The following IL1RAPL2 variants were observed in gnomAD, a reference collection of about 807,000 sequenced individuals.
IL1RAPL2 encodes interleukin 1 receptor accessory protein like 2, also known as X-linked interleukin-1 receptor accessory protein-like 2.
A neutral mutation model predicts 44.1 loss-of-function variants in IL1RAPL2; 3 were observed. The ratio of observed to expected loss-of-function variants is 0.07; its 90% CI spans 0.03 to 0.18. The LOEUF is 0.18. IL1RAPL2 is among the 10% of genes least tolerant of loss of function. The probability of loss-of-function intolerance (pLI) is 1.00; values close to 1 mark genes in which losing one functional copy is unlikely to be tolerated. For missense variants in IL1RAPL2, 391 were observed against 496.4 expected (o/e 0.79, Z 2.02); for synonymous variants, 181 against 178.8 (o/e 1.01, Z -0.10).
chrX:104,915,309 A>T (rs1924383943), intron 2 of IL1RAPL2, among the ~76,000 whole-genome samples: 1 of 110,296 alleles, frequency 9.1e-6, no homozygotes, highest in Non-Finnish European at 1.9e-5. Context: ...CATTTCTCTG[A>T]TGGCCAGTGA....
chrX:104,830,651 A>G (rs1298299024), intron 2 of IL1RAPL2, among the ~76,000 whole-genome samples: 3 of 111,801 alleles, frequency 2.7e-5, no homozygotes, highest in Middle Eastern at 4.6e-3. Flanking sequence ...AGTCAGAAAG[A>G]GTTCATATTT....
intron 6 of IL1RAPL2, among the ~76,000 whole-genome samples, chrX:105,549,934 T>C (rs189317130): frequency 8.5e-4 from 95 of 112,276 alleles, no homozygotes; most frequent in African/African-American, 3.0e-3. Context: ...TCTTCAATTA[T>C]TTTTATTGCT....
intron 1 of IL1RAPL2, among the ~76,000 whole-genome samples, chrX:104,610,666 G>T (rs985662676): frequency 4.5e-4 from 50 of 111,710 alleles, no homozygotes; most frequent in Non-Finnish European, 7.5e-5. Context: ...ATGCTCATGG[G>T]CAGGAAGAAT....
intron 2 of IL1RAPL2, among the ~76,000 whole-genome samples, chrX:105,138,544 G>T (rs1452718993): frequency 9.5e-6 from 1 of 105,514 alleles, no homozygotes; most frequent in East Asian, 3.1e-4. Context: ...GGTGTTATAA[G>T]AAATTAGAGG....
At chrX:104,844,621 AG>A (rs1921999770) in intron 2 of IL1RAPL2, among the ~76,000 whole-genome samples, 2 of 112,099 alleles carry the variant, frequency 1.8e-5, no homozygotes, top group African/African-American at 3.2e-5. Context: ...AAACAAAAAC[AG>A]AAAACAAAAA....
chrX:105,358,050 A>G (rs908847568), intron 5 of IL1RAPL2, among the ~76,000 whole-genome samples: 114 of 104,821 alleles, frequency 1.1e-3, no homozygotes, highest in African/African-American at 3.8e-3. Context: ...AAAAAAAAAA[A>G]AAAAAAAAAA....
At chrX:104,991,803 T>C (rs1355610947) in intron 2 of IL1RAPL2, among the ~76,000 whole-genome samples, 2 of 111,574 alleles carry the variant, frequency 1.8e-5, no homozygotes, top group African/African-American at 6.5e-5. Context: ...TCTACAATTA[T>C]AAAAGCATGC....
At chrX:105,352,460 A>T (rs150693594) in intron 5 of IL1RAPL2, among the ~76,000 whole-genome samples, 1,328 of 111,963 alleles carry the variant, frequency 0.012, 15 homozygotes, top group Non-Finnish European at 0.02. Context: ...TATTATCAGC[A>T]TATCTTAAAA....
chrX:105,035,822 A>G (rs1304516986), intron 2 of IL1RAPL2, among the ~76,000 whole-genome samples: 1 of 112,649 alleles, frequency 8.9e-6, no homozygotes, highest in Non-Finnish European at 1.9e-5. Flanking sequence ...CTTTTATTCC[A>G]TGAGAAATTA....
chrX:105,604,204 A>T (rs2037275470), intron 6 of IL1RAPL2, among the ~76,000 whole-genome samples: 1 of 111,752 alleles, frequency 8.9e-6, no homozygotes, highest in African/African-American at 3.2e-5. Flanking sequence ...AATACAAAAT[A>T]TTAACAACCT....
intron 6 of IL1RAPL2, chrX:105,676,005 T>A (rs1269610837): frequency 8.9e-6 from 1 of 111,747 alleles, no homozygotes; most frequent in Non-Finnish European, 1.9e-5. Flanking sequence ...AGTGGTGATA[T>A]CCACTTTTTC....
intron 2 of IL1RAPL2, among the ~76,000 whole-genome samples, chrX:104,770,691 T>C (rs1052528504): frequency 5.3e-5 from 6 of 112,277 alleles, no homozygotes; most frequent in African/African-American, 1.9e-4. Flanking sequence ...ACTATTATGC[T>C]GGACTGCATT....
At chrX:105,274,306 G>C (rs1353192091) in intron 5 of IL1RAPL2, among the ~76,000 whole-genome samples, 1 of 111,979 alleles carries the variant, frequency 8.9e-6, no homozygotes, top group African/African-American at 3.2e-5. Flanking sequence ...AAAAAGCAAG[G>C]AAAAGTGAGG....
intron 5 of IL1RAPL2, among the ~76,000 whole-genome samples, chrX:105,337,472 C>A (rs1320020527): frequency 8.9e-6 from 1 of 111,955 alleles, no homozygotes; most frequent in East Asian, 2.8e-4. Context: ...ATGTTTACAT[C>A]CTAAGTAAGG....
chrX:105,565,852 A>T (rs181386040), intron 6 of IL1RAPL2, among the ~76,000 whole-genome samples: 1 of 112,265 alleles, frequency 8.9e-6, no homozygotes, highest in Non-Finnish European at 1.9e-5. Flanking sequence ...AAGGAAAGGA[A>T]ATGGGGCAAA....
At chrX:105,700,251 A>G (rs1018574752) in intron 6 of IL1RAPL2, among the ~76,000 whole-genome samples, 2 of 111,672 alleles carry the variant, frequency 1.8e-5, no homozygotes, top group Non-Finnish European at 3.8e-5. Flanking sequence ...TCAATTTCCT[A>G]TATAAATTTG....
At chrX:104,890,016 T>C (rs905286265) in intron 2 of IL1RAPL2, among the ~76,000 whole-genome samples, 7 of 111,253 alleles carry the variant, frequency 6.3e-5, no homozygotes, top group African/African-American at 2.3e-4. Context: ...GTTCTCAATG[T>C]TCAATTCCCA....
At chrX:105,320,630 A>G (rs1301638837) in intron 5 of IL1RAPL2, among the ~76,000 whole-genome samples, 1 of 111,805 alleles carries the variant, frequency 8.9e-6, no homozygotes, top group African/African-American at 3.3e-5. Flanking sequence ...GAGTGTGGGT[A>G]TGTGTACATG....
At chrX:105,115,463 A>G (rs968581059) in intron 2 of IL1RAPL2, among the ~76,000 whole-genome samples, 2 of 111,412 alleles carry the variant, frequency 1.8e-5, no homozygotes, top group Non-Finnish European at 3.8e-5. Context: ...TGGGTTTACA[A>G]TCCCTGAGCT....
Sources: allele counts gnomAD v4.1 joint callset (sites outside exome capture counted in the v4.1 genomes callset), GRCh38; gene constraint gnomAD v4.1.1; transcripts MANE v1.5; gene names NCBI Gene and HGNC (gene_info 2026-07-23, HGNC 2026-07-21).